Variants in NEK10 observed in about 807,000 individuals in gnomAD.
NEK10 encodes serine/threonine-protein kinase Nek10.
A neutral mutation model predicts 159.8 loss-of-function variants in NEK10; 122 were observed. The observed-to-expected ratio is 0.76, with a 90% CI of 0.66 to 0.89. The LOEUF (loss-of-function observed/expected upper bound fraction) is 0.89, where lower values mean the gene tolerates loss of function less well. Ranked by LOEUF, NEK10 falls within the 40% of genes least tolerant of loss-of-function variation. The pLI is 0.00. For missense variants in NEK10, 1,342 were observed against 1,323.1 expected, an observed-to-expected ratio of 1.01 and a Z score of -0.22; for synonymous variants, 466 against 457.1, an observed-to-expected ratio of 1.02 and a Z score of -0.25.
intron 5 of NEK10, among the ~76,000 whole-genome samples, chr3:27,325,704 G>A (rs2045954716): frequency 6.6e-6 from 1 of 152,168 alleles, no homozygotes; most frequent in Non-Finnish European, 1.5e-5. Flanking sequence ...ATGGGAAGGA[G>A]GTTGATAGGT....
intron 9 of NEK10, chr3:27,310,722 G>GAA (rs11416748): frequency 1.8e-4 from 73 of 400,322 alleles, no homozygotes; most frequent in Middle Eastern, 6.5e-4. Flanking sequence ...AATGGCATAG[G>GAA]AAAAAAAAGA....
At chr3:27,250,558 T>G (rs569113797) in intron 23 of NEK10, among the ~76,000 whole-genome samples, 78 of 152,330 alleles carry the variant, frequency 5.1e-4, no homozygotes, top group Admixed American at 1.4e-3. Context: ...CCCTTTCATT[T>G]CTGATTGAAG....
intron 11 of NEK10, among the ~76,000 whole-genome samples, chr3:27,307,102 A>T (rs750524227): frequency 2.6e-5 from 4 of 152,152 alleles, no homozygotes; most frequent in Non-Finnish European, 5.9e-5. Context: ...TAACTTATTC[A>T]TCTTTGGTTT....
At chr3:27,344,429 C>G in intron 4 of NEK10, 59 bp from the exon 5 acceptor site, 2 of 816,766 alleles carry the variant, frequency 2.4e-6, no homozygotes, top group Non-Finnish European at 4.1e-6. Flanking sequence ...CTCAAAGTTG[C>G]CAGTGCAGAC....
chr3:27,209,767 G>A (rs939093060), intron 23 of NEK10, among the ~76,000 whole-genome samples: 1 of 152,160 alleles, frequency 6.6e-6, no homozygotes, highest in Non-Finnish European at 1.5e-5. Flanking sequence ...TTAGGGACAT[G>A]CATGTGAACA....
At chr3:27,261,790 G>A (rs1040915027) in intron 22 of NEK10, among the ~76,000 whole-genome samples, 3 of 152,124 alleles carry the variant, frequency 2.0e-5, no homozygotes, top group African/African-American at 4.8e-5. Context: ...TTAACTTTCT[G>A]TCTTGTTGAT....
chr3:27,150,979 C>G (rs1225434293), intron 30 of NEK10, among the ~76,000 whole-genome samples: 3 of 152,156 alleles, frequency 2.0e-5, no homozygotes, highest in African/African-American at 7.2e-5. Context: ...GGAGACACCC[C>G]AAATGCTCCA....
intron 22 of NEK10, among the ~76,000 whole-genome samples, chr3:27,268,626 A>G (rs1268990626): frequency 6.6e-6 from 1 of 152,198 alleles, no homozygotes; most frequent in Non-Finnish European, 1.5e-5. Context: ...GCTTAGTAAA[A>G]AATTCCTTTC....
intron 23 of NEK10, among the ~76,000 whole-genome samples, chr3:27,238,746 C>T (rs1249114390): frequency 1.4e-5 from 2 of 138,038 alleles, no homozygotes; most frequent in South Asian, 2.5e-4. Flanking sequence ...CCTCCCCTTT[C>T]GTGTGTGTGT....
intron 22 of NEK10, among the ~76,000 whole-genome samples, chr3:27,275,793 A>C (rs963163108): frequency 3.9e-5 from 6 of 152,186 alleles, no homozygotes; most frequent in Admixed American, 2.0e-4. Flanking sequence ...AACCAATAAC[A>C]ATTAAAAGTC....
chr3:27,364,707 A>T (rs2048936208), intron 1 of NEK10, among the ~76,000 whole-genome samples: 1 of 152,214 alleles, frequency 6.6e-6, no homozygotes, highest in Non-Finnish European at 1.5e-5. Flanking sequence ...TTTAATCCTC[A>T]AAACAACCCT....
chr3:27,127,523 C>T (rs1559488090), intron 32 of NEK10, among the ~76,000 whole-genome samples: 1 of 152,220 alleles, frequency 6.6e-6, no homozygotes, highest in Non-Finnish European at 1.5e-5. Context: ...CAGCATTTTA[C>T]TGTATTAAAT....
intron 3 of NEK10, 129 bp downstream of exon 3, chr3:27,352,336 G>A: frequency 1.5e-6 from 1 of 689,244 alleles, no homozygotes; most frequent in Non-Finnish European, 2.6e-6. Context: ...GCCAGATGAA[G>A]AAAGAGCAAA....
chr3:27,140,461 A>G (rs1489313464), intron 31 of NEK10, among the ~76,000 whole-genome samples: 1 of 152,238 alleles, frequency 6.6e-6, no homozygotes, highest in East Asian at 1.9e-4. Flanking sequence ...GCTTTCAGCA[A>G]ATACTAGACA....
chr3:27,146,960 G>A (rs1559512994), intron 30 of NEK10, among the ~76,000 whole-genome samples: 1 of 152,214 alleles, frequency 6.6e-6, no homozygotes, highest in Admixed American at 6.5e-5. Flanking sequence ...TACAGCTGGA[G>A]AGGTAGCCAG....
chr3:27,359,318 A>G (rs756595346), intron 1 of NEK10, among the ~76,000 whole-genome samples: 1 of 152,226 alleles, frequency 6.6e-6, no homozygotes, highest in Non-Finnish European at 1.5e-5. Context: ...TGAAAAAAGC[A>G]CTAAAATAAA....
rs1287911067 is a variant in NEK10, at chr3:27,110,444, G to C, written c.*828C>G. ...GGAGGGATTTAGGATGAGGAATATT[G>C]CATCTTTTTCATAGATTCTATAAAC... is the stretch of plus-strand genomic sequence containing the variant. On this transcript the variant is annotated 3_prime_UTR_variant, in exon 36 of 36. Transcript: ENST00000691995. 4 of 152,120 alleles carry C rather than the reference G, an allele frequency of 2.6e-5. No individual in the cohort carries two copies. 9.4% of individuals were successfully genotyped at this position (152,120 alleles called of 1,614,324 possible). A position where few individuals can be genotyped will look rare whatever the true frequency, so the allele number is the denominator to read the frequency against.
intron 35 of NEK10, among the ~76,000 whole-genome samples, chr3:27,113,207 G>A (rs940714429): frequency 6.8e-6 from 1 of 146,946 alleles, no homozygotes; most frequent in African/African-American, 2.8e-5. Context: ...GCCAAGGCAG[G>A]TGGATCACCT....
intron 23 of NEK10, among the ~76,000 whole-genome samples, chr3:27,203,957 CA>C (rs1384939120): frequency 6.6e-6 from 1 of 151,928 alleles, no homozygotes; most frequent in Non-Finnish European, 1.5e-5. Flanking sequence ...TCTAAATGTA[CA>C]AAAAGTATTC....
Sources: allele counts gnomAD v4.1 joint callset (sites outside exome capture counted in the v4.1 genomes callset), GRCh38; gene constraint gnomAD v4.1.1; transcripts MANE v1.5; gene names NCBI Gene and HGNC (gene_info 2026-07-23, HGNC 2026-07-21).